The following DNAH14 variants were observed in gnomAD, a reference collection of about 807,000 sequenced individuals.
The protein encoded by DNAH14 is axonemal beta dynein heavy chain 14.
In DNAH14, 478 loss-of-function variants were observed where a neutral mutation model predicts 520.9. That is an observed-to-expected ratio of 0.92 (90% CI 0.85 to 0.99). The LOEUF is 0.99. Ranked by LOEUF, DNAH14 falls within the 50% of genes least tolerant of loss-of-function variation. The pLI, the probability that DNAH14 is intolerant of heterozygous loss-of-function variation, is 0.00. For synonymous variants in DNAH14, 1,581 were observed against 1,757.2 expected, an observed-to-expected ratio of 0.90 and a Z score of 2.51; for missense variants, 4,831 against 5,234.5, an observed-to-expected ratio of 0.92 and a Z score of 2.38.
chr1:225,031,836 A>G (rs2066553835), intron 11 of DNAH14, among the ~76,000 whole-genome samples: 1 of 152,042 alleles, frequency 6.6e-6, no homozygotes, highest in South Asian at 2.1e-4. Context: ...ATGTTTATCC[A>G]TATAATTACC....
At chr1:225,151,652 C>T (rs1186883758) in intron 31 of DNAH14, among the ~76,000 whole-genome samples, 1 of 152,156 alleles carries the variant, frequency 6.6e-6, no homozygotes, top group African/African-American at 2.4e-5. Flanking sequence ...GTGCTGTGCC[C>T]CATTCTGTGT....
At position 225,023,260 on chromosome 1, in the gene DNAH14, CAAAG is replaced by C. The variant is rs770401333; in HGVS notation, c.1108-351_1108-348del. Among the ~76,000 whole-genome samples the C allele has an allele frequency of 1.2e-3, 184 of 151,736 alleles. 2 individuals carry two copies. Among genetic ancestry groups the C allele is most frequent in the Middle Eastern group, 6.8e-3 (2 of 294 alleles). On this transcript the variant is annotated intron_variant, in intron 10 of 85. Coordinates refer to ENST00000682510, the MANE Select transcript of DNAH14 (RefSeq NM_001367479.1). ...CCTAAAATAAAAGTAGAAGAAAAAA[CAAAG>C]AAACAAATAAAAACAAAACGAACAA...
Position 225,271,901 on chromosome 1 carries a change from T to C in DNAH14, c.7672-5T>C, listed in dbSNP as rs778254245. 2.6e-6 allele frequency: 4 copies of C among 1,537,850 alleles called. No individual in the cohort carries two copies. In the South Asian group the frequency reaches 4.9e-5, roughly 19 times the overall value. ...CAAGCTAAATTATAACATTTCTTTT[T>C]AAAGGCTCATTTGGGAATTTATTTC... On this transcript the variant is annotated splice_polypyrimidine_tract_variant and splice_region_variant and intron_variant, in intron 50 of 85. Coordinates refer to ENST00000682510, the MANE Select transcript of DNAH14 (RefSeq NM_001367479.1).
chr1:225,359,934 A>C lies in DNAH14; in HGVS notation c.11777-747A>C, dbSNP rs1348709493. Among the ~76,000 whole-genome samples the C allele has an allele frequency of 2.0e-5, 3 of 152,320 alleles. No homozygotes were observed. In the East Asian group the frequency reaches 5.8e-4, roughly 29 times the overall value. ...ACATGTGTCATGGTGATTTGCTGCA[A>C]CTATCAACCCATCACCTAGGTATTA... On this transcript the variant is annotated intron_variant, in intron 74 of 85. Transcript: ENST00000682510.
intron 23 of DNAH14, among the ~76,000 whole-genome samples, chr1:225,112,434 G>C (rs566565176): frequency 9.9e-5 from 15 of 152,156 alleles, no homozygotes; most frequent in African/African-American, 3.6e-4. Context: ...AATATTAAAT[G>C]CCTTGAGGAA....
intron 11 of DNAH14, among the ~76,000 whole-genome samples, chr1:225,037,968 A>G (rs2067127516): frequency 6.6e-6 from 1 of 152,104 alleles, no homozygotes; most frequent in Non-Finnish European, 1.5e-5. Context: ...GATTACAGGC[A>G]TGAGCCACCA....
rs1232002029 is a variant in DNAH14 at position 225,226,519 on chromosome 1, T to C, written c.6440-4554T>C. On this transcript the variant is annotated intron_variant, in intron 41 of 85. Coordinates refer to ENST00000682510, the MANE Select transcript of DNAH14 (RefSeq NM_001367479.1). ...GGAAAAGTAATGGATTCCACTTTAG[T>C]TGGGAGGTCTGTCACGGAGGACAAG... Among the ~76,000 whole-genome samples the C allele has an allele frequency of 7.2e-5, 11 of 152,176 alleles. 1 individual carries two copies. Among genetic ancestry groups the C allele is most frequent in the Admixed American group, 7.2e-4 (11 of 15,274 alleles).
intron 20 of DNAH14, 74 bp downstream of exon 20, chr1:225,082,813 T>C (rs2073299595): frequency 1.6e-6 from 2 of 1,217,338 alleles, no homozygotes; most frequent in African/African-American, 3.0e-5. Context: ...CGAGTAAATA[T>C]ACAATGGATA....
chr1:225,164,056 A>C (rs1398628008), intron 35 of DNAH14, among the ~76,000 whole-genome samples: 4 of 152,092 alleles, frequency 2.6e-5, no homozygotes, highest in African/African-American at 9.7e-5. Context: ...ATAGGCTATT[A>C]ATTGTATTTT....
At chr1:225,145,493 T>C (rs943481718) in intron 30 of DNAH14, 114 bp downstream of exon 30, 2 of 808,380 alleles carry the variant, frequency 2.5e-6, no homozygotes, top group South Asian at 5.4e-5. Flanking sequence ...CATCAAGTAT[T>C]AACAGAACTT....
chr1:225,024,231 A>G, intron 11 of DNAH14: 1 of 987,994 alleles, frequency 1.0e-6, no homozygotes, highest in South Asian at 4.7e-5. Flanking sequence ...TCTGTCTTCC[A>G]GGTTCAGAGT....
rs1281369503 is a variant in DNAH14, at chr1:225,331,568, A to G, written c.9855A>G (p.Glu3285=). 6.4e-7 allele frequency: 1 copy of G among 1,551,410 alleles called. No individual in the cohort carries two copies. ...CGTCAGTCTTACTAACTGTCCTGGAAGATGAGAAGGCATGACTTACTTTGG... is the reference window on the plus strand; with the variant it reads ...CGTCAGTCTTACTAACTGTCCTGGAGGATGAGAAGGCATGACTTACTTTGG... The part of the protein sequence containing the change: ...QCASVLLTVL[E]DEKTRWQETI... Residue 3285 remains glutamate (E), a synonymous_variant, in exon 65 of 86, where the codon GAA becomes GAG. Coordinates refer to ENST00000682510, the MANE Select transcript of DNAH14 (RefSeq NM_001367479.1).
intron 7 of DNAH14, among the ~76,000 whole-genome samples, chr1:224,972,686 C>T (rs557351188): frequency 6.6e-6 from 1 of 152,210 alleles, no homozygotes; most frequent in South Asian, 2.1e-4. Context: ...AGGATGGTCT[C>T]GATCTCCTGA....
intron 71 of DNAH14, among the ~76,000 whole-genome samples, chr1:225,349,188 G>T (rs1008674954): frequency 6.6e-6 from 1 of 152,236 alleles, no homozygotes; most frequent in Non-Finnish European, 1.5e-5. Flanking sequence ...GCCCAGGCTG[G>T]CAGTAGAATT....
At chr1:225,062,274 G>C (rs546445751) in intron 17 of DNAH14, among the ~76,000 whole-genome samples, 1 of 151,948 alleles carries the variant, frequency 6.6e-6, no homozygotes, top group Non-Finnish European at 1.5e-5. Context: ...ACTCCAGCAT[G>C]GTCAACAGAA....
At chr1:224,972,664 G>T (rs542233831) in intron 7 of DNAH14, among the ~76,000 whole-genome samples, 1 of 151,902 alleles carries the variant, frequency 6.6e-6, no homozygotes, top group African/African-American at 2.4e-5. Context: ...ACAGGGTTTC[G>T]CTGTGTTAGC....
intron 72 of DNAH14, among the ~76,000 whole-genome samples, chr1:225,353,444 A>G (rs887704144): frequency 6.6e-6 from 1 of 152,200 alleles, no homozygotes; most frequent in Non-Finnish European, 1.5e-5. Context: ...ACTAGTTTAC[A>G]TTCATCAGAA....
intron 13 of DNAH14, 53 bp from the exon 14 acceptor site, chr1:225,043,691 T>C: frequency 7.9e-7 from 1 of 1,273,846 alleles, no homozygotes; most frequent in Non-Finnish European, 1.1e-6. Context: ...ATTTACCTGA[T>C]ATAAATATCA....
intron 27 of DNAH14, among the ~76,000 whole-genome samples, chr1:225,127,279 CGTT>C (rs1309217235): frequency 4.7e-5 from 7 of 148,866 alleles, no homozygotes; most frequent in Non-Finnish European, 8.9e-5. Context: ...CTTTCTGTCT[CGTT>C]GATCTGTCTA....
Sources: allele counts gnomAD v4.1 joint callset (sites outside exome capture counted in the v4.1 genomes callset), GRCh38; gene constraint gnomAD v4.1.1; transcripts MANE v1.5; gene names NCBI Gene and HGNC (gene_info 2026-07-23, HGNC 2026-07-21).